PALLD: variants seen among roughly 807,000 people sequenced by gnomAD.
PALLD encodes the protein palladin, cytoskeletal associated protein.
In PALLD, 61 loss-of-function variants were observed where a neutral mutation model predicts 123.5. The ratio of observed to expected loss-of-function variants is 0.49; its 90% CI spans 0.40 to 0.61. The LOEUF (loss-of-function observed/expected upper bound fraction) is 0.61. PALLD is among the 20% of genes least tolerant of loss of function. The pLI is 0.00. For synonymous variants in PALLD, 465 were observed against 496.4 expected (o/e 0.94, Z 0.84); for missense variants, 1,273 against 1,377.0 (o/e 0.92, Z 1.20).
At chr4:168,753,822 G>T (rs1661658853) in intron 10 of PALLD, among the ~76,000 whole-genome samples, 1 of 152,116 alleles carries the variant, frequency 6.6e-6, no homozygotes. Flanking sequence ...TGCGGCCTTG[G>T]TCAACATCCT....
At chr4:168,616,856 C>T (rs1342050889) in intron 2 of PALLD, among the ~76,000 whole-genome samples, 1 of 152,150 alleles carries the variant, frequency 6.6e-6, no homozygotes, top group African/African-American at 2.4e-5. Context: ...GGCAGGATTG[C>T]TGTTGTTTAC....
intron 8 of PALLD, among the ~76,000 whole-genome samples, chr4:168,705,149 A>G (rs1415546243): frequency 6.6e-6 from 1 of 152,054 alleles, no homozygotes; most frequent in Non-Finnish European, 1.5e-5. Flanking sequence ...AGGAGGGCTT[A>G]AAAAACTATA....
At chr4:168,787,240 A>G (rs1019814127) in intron 10 of PALLD, among the ~76,000 whole-genome samples, 4 of 152,222 alleles carry the variant, frequency 2.6e-5, no homozygotes, top group Non-Finnish European at 4.4e-5. Flanking sequence ...TCAGCCAGGT[A>G]ATCAGGAATC....
At chr4:168,924,150 G>GT (rs1285365780) in intron 18 of PALLD, 105 bp from the exon 19 acceptor site, 5 of 981,542 alleles carry the variant, frequency 5.1e-6, no homozygotes, top group Non-Finnish European at 8.0e-6. Context: ...GTAAAAAATG[G>GT]TATCATAAAA....
intron 10 of PALLD, among the ~76,000 whole-genome samples, chr4:168,747,667 G>C (rs1184220633): frequency 6.6e-6 from 1 of 152,186 alleles, no homozygotes; most frequent in Non-Finnish European, 1.5e-5. Context: ...GGACCTGCCA[G>C]TCACCTTGTC....
rs530959524 is a variant in PALLD, at chr4:168,635,282, A to G, written c.909-32908A>G. On this transcript the variant is annotated intron_variant, in intron 2 of 21. Transcript: ENST00000505667. ...AATAAAGCATGGTCGATCTTTTCCA[A>G]TGCCAGAATGGTGATGCTAGGGCTC... Among the ~76,000 whole-genome samples the G allele has an allele frequency of 8.5e-5, 13 of 152,318 alleles. No homozygotes were observed. In the South Asian group the frequency reaches 2.1e-3, roughly 24 times the overall value.
At chr4:168,576,439 T>C (rs1440194133) in intron 2 of PALLD, among the ~76,000 whole-genome samples, 1 of 151,840 alleles carries the variant, frequency 6.6e-6, no homozygotes, top group Admixed American at 6.6e-5. Flanking sequence ...CCTGTGTCCA[T>C]GTGTTCTCAT....
At chr4:168,507,463 A>T in intron 1 of PALLD, 1 of 188,820 alleles carries the variant, frequency 5.3e-6, no homozygotes, top group East Asian at 8.4e-5. Flanking sequence ...ATACTTGGAG[A>T]TTTCACATCC....
At chr4:168,640,258 G>A (rs905820624) in intron 2 of PALLD, among the ~76,000 whole-genome samples, 8 of 152,124 alleles carry the variant, frequency 5.3e-5, no homozygotes, top group African/African-American at 1.7e-4. Flanking sequence ...GAACTTTTCC[G>A]ATTGAGCTTT....
chr4:168,771,040 G>A (rs1734340469), intron 10 of PALLD, among the ~76,000 whole-genome samples: 1 of 143,442 alleles, frequency 7.0e-6, no homozygotes, highest in Admixed American at 7.1e-5. Flanking sequence ...ACCTGGGTGG[G>A]CAACAGAGCA....
intron 2 of PALLD, among the ~76,000 whole-genome samples, chr4:168,543,080 A>G (rs567748392): frequency 2.0e-5 from 3 of 152,122 alleles, no homozygotes; most frequent in African/African-American, 7.2e-5. Flanking sequence ...CTACTTTATG[A>G]GAAAGTATAG....
chr4:168,830,031 A>C (rs560673640), intron 10 of PALLD, among the ~76,000 whole-genome samples: 51 of 152,302 alleles, frequency 3.3e-4, no homozygotes, highest in Non-Finnish European at 6.8e-4. Context: ...CAGGAGTTCA[A>C]GAGCAGCTTG....
intron 16 of PALLD, among the ~76,000 whole-genome samples, chr4:168,914,311 G>A (rs1335941098): frequency 6.6e-6 from 1 of 152,116 alleles, no homozygotes; most frequent in Non-Finnish European, 1.5e-5. Context: ...CTTTTAAATG[G>A]CATATGAAAA....
chr4:168,659,434 T>C (rs1778919103), intron 2 of PALLD, among the ~76,000 whole-genome samples: 2 of 152,178 alleles, frequency 1.3e-5, no homozygotes, highest in Non-Finnish European at 2.9e-5. Flanking sequence ...AGGAGGCAGC[T>C]GGGGGCTAAA....
At chr4:168,741,347 TTG>T (rs1554074732) in intron 10 of PALLD, among the ~76,000 whole-genome samples, 1 of 131,904 alleles carries the variant, frequency 7.6e-6, no homozygotes, top group Non-Finnish European at 1.8e-5. Context: ...TTTGTTTTTT[TTG>T]TGTGTGTGTG....
intron 10 of PALLD, among the ~76,000 whole-genome samples, chr4:168,791,310 C>T (rs1408223168): frequency 6.6e-6 from 1 of 152,214 alleles, no homozygotes; most frequent in East Asian, 1.9e-4. Flanking sequence ...AGTTTCCCCT[C>T]TGGGACCCTG....
At chr4:168,700,148 C>A in intron 8 of PALLD, 1 of 175,450 alleles carries the variant, frequency 5.7e-6, no homozygotes, top group Non-Finnish European at 1.3e-5. Flanking sequence ...TATGATGCTT[C>A]TTTCTCTCAA....
intron 2 of PALLD, among the ~76,000 whole-genome samples, chr4:168,608,498 T>G (rs561320986): frequency 6.6e-6 from 1 of 152,210 alleles, no homozygotes; most frequent in Admixed American, 6.5e-5. Flanking sequence ...CAATACATAA[T>G]GTAAGCGTTC....
chr4:168,808,149 A>C (rs1740509197), intron 10 of PALLD, among the ~76,000 whole-genome samples: 2 of 151,642 alleles, frequency 1.3e-5, no homozygotes, highest in African/African-American at 2.4e-5. Context: ...ATAATAATAT[A>C]TATGAGAATA....
Sources: allele counts gnomAD v4.1 joint callset (sites outside exome capture counted in the v4.1 genomes callset), GRCh38; gene constraint gnomAD v4.1.1; transcripts MANE v1.5; gene names NCBI Gene and HGNC (gene_info 2026-07-23, HGNC 2026-07-21).